TBC1D30: variants seen among roughly 807,000 people sequenced by gnomAD.
TBC1D30 encodes TBC1 domain family member 30.
Under a neutral mutation model 63.2 loss-of-function variants are expected in TBC1D30, and 31 were observed. The ratio of observed to expected loss-of-function variants is 0.49; its 90% CI spans 0.37 to 0.66. TBC1D30 has a LOEUF of 0.66. Among genes scored for constraint, TBC1D30 ranks in the 30% least tolerant of loss-of-function variants. TBC1D30 has a pLI of 0.00. For missense variants in TBC1D30, 810 were observed against 953.6 expected (o/e 0.85, Z 1.98); for synonymous variants, 307 against 361.5 (o/e 0.85, Z 1.71).
intron 8 of TBC1D30, among the ~76,000 whole-genome samples, chr12:64,857,177 G>C (rs1332209091): frequency 6.6e-6 from 1 of 152,038 alleles, no homozygotes; most frequent in Non-Finnish European, 1.5e-5. Flanking sequence ...TTTCACCATA[G>C]CCACCACAGC....
Position 64,836,560 on chromosome 12 carries a change from T to C in TBC1D30, c.665T>C (p.Val222Ala), listed in dbSNP as rs1385803809. ...YFVNNLRALSVDMAVFRDLLR... is the reference protein window; with the variant it reads ...YFVNNLRALSADMAVFRDLLR... ...GTCAATAATCTCCGGGCATTGTCTG[T>C]GGATATGGCTGTCTTCAGAGACCTT... Residue 222 changes from valine (V) to alanine (A), a missense_variant, in exon 6 of 12, where the codon GTG (valine) becomes GCG (alanine). Val to Ala is a moderately conservative substitution (Grantham distance 64). Transcript: ENST00000539867. 6.5e-7 allele frequency: 1 copy of C among 1,536,070 alleles called. No homozygotes were observed. The highest frequency in any genetic ancestry group is 1.4e-5 in the African/African-American group (1 of 73,172).
chr12:64,807,917 A>ATTTTTTTTTTTTTTTTT (rs1175968255), intron 2 of TBC1D30, among the ~76,000 whole-genome samples: 3 of 49,502 alleles, frequency 6.1e-5, no homozygotes, highest in African/African-American at 3.9e-4. Flanking sequence ...GCCTAATTTA[A>ATTTTTTTTTTTTTTTTT]GTTTTTTTTT....
At position 64,827,808 on chromosome 12, in the gene TBC1D30, A is replaced by G. The variant is rs1003101055; in HGVS notation, c.155-27A>G. 52 of 1,450,436 alleles carry G rather than the reference A, an allele frequency of 3.6e-5. No individual in the cohort carries two copies. In the Admixed American group the frequency reaches 1.1e-3, roughly 30 times the overall value. The allele number at this position is 1,450,436 out of a possible 1,614,324, so 89.8% of individuals were successfully genotyped here. A position where few individuals can be genotyped will look rare whatever the true frequency, so the allele number is the denominator to read the frequency against. ...TAACTTGTTATAGTCTCCAAAAATAACATCTATTTATGTATTTTTCTTTCA... is the reference window on the plus strand; with the variant it reads ...TAACTTGTTATAGTCTCCAAAAATAGCATCTATTTATGTATTTTTCTTTCA... On this transcript the variant is annotated intron_variant, in intron 1 of 11. Coordinates refer to ENST00000539867, the MANE Select transcript of TBC1D30 (RefSeq NM_015279.2).
intron 1 of TBC1D30, chr12:64,825,243 C>T: frequency 1.8e-6 from 1 of 552,040 alleles, no homozygotes; most frequent in Non-Finnish European, 2.9e-6. Context: ...GCGGCCACCC[C>T]AGGCGCGGAG....
chr12:64,784,274 TC>T lies in TBC1D30; in HGVS notation c.479-1605del, dbSNP rs35838137. On this transcript the variant is annotated intron_variant, in intron 1 of 12. Coordinates refer to the TBC1D30 transcript ENST00000542120. ...CATAATTTGAGACTTGGAGCACACT[TC>T]CTTGCCTAAAAATCACTCAGAGAGT... 1.4e-4 allele frequency among the ~76,000 whole-genome samples: 21 copies of T among 152,224 alleles called. No homozygotes were observed. In the South Asian group the frequency reaches 2.3e-3, roughly 17 times the overall value.
intron 8 of TBC1D30, among the ~76,000 whole-genome samples, chr12:64,844,183 G>A (rs573159419): frequency 5.3e-5 from 8 of 152,218 alleles, no homozygotes; most frequent in Admixed American, 2.0e-4. Flanking sequence ...TGATTCATTT[G>A]TTTTGCCCAC....
At chr12:64,795,960 C>T (rs1392380894) in intron 2 of TBC1D30, among the ~76,000 whole-genome samples, 1 of 151,982 alleles carries the variant, frequency 6.6e-6, no homozygotes, top group East Asian at 1.9e-4. Context: ...AATTTAATTA[C>T]AAATTTGTTA....
intron 11 of TBC1D30, among the ~76,000 whole-genome samples, chr12:64,874,023 G>T (rs1379213216): frequency 6.6e-6 from 1 of 152,198 alleles, no homozygotes; most frequent in African/African-American, 2.4e-5. Flanking sequence ...GGAAATAGGA[G>T]TCTGGTCATA....
upstream of TBC1D30, chr12:64,779,385 C>G (rs1033706940): frequency 2.0e-5 from 3 of 152,152 alleles, no homozygotes; most frequent in African/African-American, 7.2e-5. Flanking sequence ...TAAATGGTAA[C>G]AATAGTCATT....
intron 7 of TBC1D30, 83 bp downstream of exon 7, chr12:64,838,934 T>G (rs1339419758): frequency 1.6e-6 from 2 of 1,260,470 alleles, no homozygotes; most frequent in Non-Finnish European, 1.1e-6. Context: ...AAAGCAATAT[T>G]TAAGTGAAAT....
upstream of TBC1D30, among the ~76,000 whole-genome samples, chr12:64,779,771 C>T (rs1401229552): frequency 6.6e-6 from 1 of 152,186 alleles, no homozygotes; most frequent in Non-Finnish European, 1.5e-5. Context: ...GTTATTTAGC[C>T]TCTTCGTGCC....
intron 8 of TBC1D30, among the ~76,000 whole-genome samples, chr12:64,845,362 G>T (rs1876268213): frequency 6.6e-6 from 1 of 152,116 alleles, no homozygotes; most frequent in South Asian, 2.1e-4. Context: ...TTTTTCTGAT[G>T]ATCAGTGATT....
intron 1 of TBC1D30, among the ~76,000 whole-genome samples, chr12:64,770,992 G>A (rs956075215): frequency 5.3e-5 from 8 of 151,602 alleles, no homozygotes; most frequent in Non-Finnish European, 7.4e-5. Context: ...GATTATAGCC[G>A]TGAGCCACCA....
At chr12:64,789,109 T>G (rs1871766298) in intron 2 of TBC1D30, among the ~76,000 whole-genome samples, 1 of 152,160 alleles carries the variant, frequency 6.6e-6, no homozygotes, top group East Asian at 1.9e-4. Context: ...ATCCCCATTT[T>G]GGCCTCCACA....
At chr12:64,849,048 T>C (rs867914653) in intron 8 of TBC1D30, among the ~76,000 whole-genome samples, 2 of 152,256 alleles carry the variant, frequency 1.3e-5, no homozygotes, top group Non-Finnish European at 2.9e-5. Flanking sequence ...TTCTTTCATA[T>C]GTTTGTTGGC....
chr12:64,876,951 AT>A lies in TBC1D30; in HGVS notation c.*1165del. ...GTTACTCAAGGTCAGTACTCTCGGT[AT>A]TCCAAGTGACTTAGCCACATTTCCT... On this transcript the variant is annotated 3_prime_UTR_variant, in exon 12 of 12. Transcript: ENST00000539867. 2.2e-6 allele frequency: 1 copy of A among 455,640 alleles called. No homozygotes were observed. The allele number at this position is 455,640 out of a possible 1,614,324, so 28.2% of individuals were successfully genotyped here.
chr12:64,781,697 T>TG lies in TBC1D30; in HGVS notation c.478+411_478+412insG, dbSNP rs201482053. ...GTCGTAGGGCTGTTCTTTCCTTTTT[T>TG]TTTTTTTGTTTTTTTGTTTTTAAAG... On this transcript the variant is annotated intron_variant, in intron 1 of 12. Coordinates refer to the TBC1D30 transcript ENST00000542120. Among the ~76,000 whole-genome samples the TG allele has an allele frequency of 4.5e-3, 689 of 151,434 alleles. 2 individuals carry two copies. Among genetic ancestry groups the TG allele is most frequent in the Admixed American group, 9.2e-3 (140 of 15,206 alleles).
Position 64,876,230 on chromosome 12 carries a change from A to G in TBC1D30, c.*442A>G, listed in dbSNP as rs1879067607. The G allele has an allele frequency of 6.3e-6, 1 of 159,100 alleles. No individual in the cohort carries two copies. The highest frequency in any genetic ancestry group is 1.4e-5 in the Non-Finnish European group (1 of 72,692). The allele number at this position is 159,100 out of a possible 1,614,324, so 9.9% of individuals were successfully genotyped here. On this transcript the variant is annotated 3_prime_UTR_variant, in exon 12 of 12. Coordinates refer to ENST00000539867, the MANE Select transcript of TBC1D30 (RefSeq NM_015279.2). ...AGGACAGAAACTGTAAAAAGAAAGT[A>G]AGTTTCTTCGTTACAAAAAACTTCC...
chr12:64,858,888 A>G (rs1026752017), intron 8 of TBC1D30, among the ~76,000 whole-genome samples: 1 of 152,086 alleles, frequency 6.6e-6, no homozygotes, highest in Non-Finnish European at 1.5e-5. Context: ...CTGGGGGCTG[A>G]GGAAGAGAGA....
Sources: gnomAD v4.1 joint callset for allele counts (sites outside exome capture counted in the v4.1 genomes callset) on GRCh38, gnomAD v4.1.1 for gene constraint, MANE v1.5 for transcripts, NCBI Gene and HGNC (gene_info 2026-07-23, HGNC 2026-07-21) for gene names.